Variants in RNF13 observed in about 807,000 individuals in gnomAD.
RNF13 encodes the protein E3 ubiquitin-protein ligase RNF13.
RNF13 carries 19 observed loss-of-function variants against 37.7 expected under a neutral mutation model. The observed-to-expected ratio is 0.50, with a 90% confidence interval of 0.35 to 0.74. RNF13 has a LOEUF of 0.74. Ranked by LOEUF, RNF13 falls within the 30% of genes least tolerant of loss-of-function variation. The pLI, the probability that RNF13 is intolerant of heterozygous loss-of-function variation, is 0.01. For missense variants in RNF13, 375 were observed against 453.0 expected (o/e 0.83, Z 1.56); for synonymous variants, 144 against 157.8 (o/e 0.91, Z 0.65).
At chr3:149,935,334 T>C (rs959911163) in intron 8 of RNF13, among the ~76,000 whole-genome samples, 2 of 152,218 alleles carry the variant, frequency 1.3e-5, no homozygotes, top group African/African-American at 4.8e-5. Context: ...ATTTAATCAC[T>C]CTATGTCTTT....
In RNF13 at chr3:149,893,178, A is replaced by G. The variant is rs141999986; in HGVS notation, c.322-2295A>G. Among the ~76,000 whole-genome samples, 54 of 152,352 alleles carry G rather than the reference A, an allele frequency of 3.5e-4. No homozygotes were observed. The East Asian group carries it at 0.01, about 29-fold the overall frequency. ...ACTCATTATGTAAGCTCAGCAAACT[A>G]CTTGCTGAATTCAGCCACAGTTTTT... On this transcript the variant is annotated intron_variant, in intron 4 of 9. Transcript: ENST00000392894.
At chr3:149,863,190 A>C (rs1390252555) in intron 3 of RNF13, among the ~76,000 whole-genome samples, 1 of 152,218 alleles carries the variant, frequency 6.6e-6, no homozygotes, top group Non-Finnish European at 1.5e-5. Context: ...ATTGATAAGC[A>C]AATTGTATCA....
chr3:149,948,420 G>T lies in RNF13; in HGVS notation c.701-11636G>T, dbSNP rs144815445. Among the ~76,000 whole-genome samples, 12 of 151,950 alleles carry T rather than the reference G, an allele frequency of 7.9e-5. No individual in the cohort carries two copies. In the South Asian group the frequency reaches 1.0e-3, roughly 13 times the overall value. On this transcript the variant is annotated intron_variant, in intron 8 of 9. Coordinates refer to ENST00000392894, the MANE Select transcript of RNF13 (RefSeq NM_183381.3). ...TTCATTGTTTTTTGTCTGTCTTACC[G>T]CTTTGTCTTTCCTCTCACTGTGTTT...
chr3:149,824,178 T>C (rs1167713887), intron 1 of RNF13, among the ~76,000 whole-genome samples: 1 of 152,206 alleles, frequency 6.6e-6, no homozygotes, highest in Non-Finnish European at 1.5e-5. Context: ...GATTCCACAC[T>C]GATATAAATA....
At chr3:149,854,536 CAGA>C (rs1405270862) in intron 3 of RNF13, among the ~76,000 whole-genome samples, 1 of 152,118 alleles carries the variant, frequency 6.6e-6, no homozygotes, top group African/African-American at 2.4e-5. Context: ...TAGTTTTACC[CAGA>C]AAGGGATTTA....
At chr3:149,909,706 C>T (rs879264722) in intron 6 of RNF13, among the ~76,000 whole-genome samples, 6 of 151,906 alleles carry the variant, frequency 3.9e-5, no homozygotes, top group South Asian at 2.1e-4. Context: ...ATTTAGAACC[C>T]GGGCGTATGA....
chr3:149,877,145 A>G (rs1712816178), intron 4 of RNF13, among the ~76,000 whole-genome samples: 1 of 152,078 alleles, frequency 6.6e-6, no homozygotes, highest in South Asian at 2.1e-4. Flanking sequence ...GAAAAATATC[A>G]TGTTTTAGAT....
intron 1 of RNF13, among the ~76,000 whole-genome samples, chr3:149,842,760 A>C (rs939970888): frequency 1.3e-5 from 2 of 152,220 alleles, no homozygotes. Flanking sequence ...TTTATACATC[A>C]TATTTTTGAC....
intron 8 of RNF13, among the ~76,000 whole-genome samples, chr3:149,954,377 C>T (rs1373382505): frequency 6.6e-6 from 1 of 151,960 alleles, no homozygotes; most frequent in Non-Finnish European, 1.5e-5. Context: ...TGTTAGGGGA[C>T]TCTATAACAT....
At chr3:149,934,208 G>T (rs1370916610) in intron 8 of RNF13, among the ~76,000 whole-genome samples, 1 of 151,936 alleles carries the variant, frequency 6.6e-6, no homozygotes, top group Admixed American at 6.6e-5. Context: ...ATATTCTAGG[G>T]TATTGATTGT....
intron 8 of RNF13, among the ~76,000 whole-genome samples, chr3:149,928,927 A>T (rs771043890): frequency 5.3e-5 from 8 of 152,124 alleles, no homozygotes; most frequent in Non-Finnish European, 7.4e-5. Flanking sequence ...TTATTGTTTT[A>T]GATACTATTA....
intron 7 of RNF13, among the ~76,000 whole-genome samples, chr3:149,919,238 C>G (rs1717867447): frequency 6.6e-6 from 1 of 152,168 alleles, no homozygotes; most frequent in Non-Finnish European, 1.5e-5. Flanking sequence ...ATATATATCA[C>G]TTATGCATAT....
intron 3 of RNF13, among the ~76,000 whole-genome samples, chr3:149,867,891 A>G (rs991810586): frequency 4.6e-5 from 7 of 151,164 alleles, no homozygotes; most frequent in African/African-American, 1.5e-4. Context: ...ATTTTCTCTG[A>G]TAGTACTTTT....
At chr3:149,923,251 G>GTT (rs562443511) in intron 8 of RNF13, among the ~76,000 whole-genome samples, 1 of 151,192 alleles carries the variant, frequency 6.6e-6, no homozygotes, top group Non-Finnish European at 1.5e-5. Flanking sequence ...TTAGTTAATA[G>GTT]TTTTTTTTTG....
At chr3:149,958,457 A>G (rs1329419766) in intron 8 of RNF13, among the ~76,000 whole-genome samples, 1 of 152,122 alleles carries the variant, frequency 6.6e-6, no homozygotes, top group Non-Finnish European at 1.5e-5. Context: ...TCCTTCTTCC[A>G]CTTTTCAAAA....
intron 1 of RNF13, among the ~76,000 whole-genome samples, chr3:149,836,145 T>C (rs1445543429): frequency 1.3e-5 from 2 of 152,228 alleles, no homozygotes; most frequent in African/African-American, 4.8e-5. Context: ...TCACTAGTGA[T>C]GTTGAGCATT....
intron 3 of RNF13, among the ~76,000 whole-genome samples, chr3:149,868,168 T>C (rs1242823835): frequency 6.6e-6 from 1 of 151,834 alleles, no homozygotes; most frequent in Non-Finnish European, 1.5e-5. Flanking sequence ...TTTTTTGTTT[T>C]TCTTTTTTTA....
chr3:149,849,249 T>C (rs1030753763), intron 2 of RNF13, among the ~76,000 whole-genome samples: 7 of 152,234 alleles, frequency 4.6e-5, no homozygotes, highest in African/African-American at 1.2e-4. Flanking sequence ...CCCATGATTT[T>C]ACTGAGAAGT....
intron 4 of RNF13, among the ~76,000 whole-genome samples, chr3:149,890,688 C>G (rs530726550): frequency 6.6e-6 from 1 of 152,298 alleles, no homozygotes; most frequent in South Asian, 2.1e-4. Flanking sequence ...TAACACTCTT[C>G]TTTAAGTCAA....
Sources: allele counts gnomAD v4.1 joint callset (sites outside exome capture counted in the v4.1 genomes callset), GRCh38; gene constraint gnomAD v4.1.1; transcripts MANE v1.5; gene names NCBI Gene and HGNC (gene_info 2026-07-23, HGNC 2026-07-21).